PHRF1: variants seen among roughly 807,000 people sequenced by gnomAD.
PHRF1 encodes the protein PHD and RING finger domain-containing protein 1.
Under a neutral mutation model 128.9 loss-of-function variants are expected in PHRF1, and 53 were observed. The observed-to-expected ratio is 0.41, with a 90% CI of 0.33 to 0.52. PHRF1 has a LOEUF of 0.52. Among genes scored for constraint, PHRF1 ranks in the 20% least tolerant of loss-of-function variants. PHRF1 has a pLI of 0.21. For synonymous variants in PHRF1, 1,178 were observed against 980.6 expected (o/e 1.20, Z -3.76); for missense variants, 2,503 against 2,284.5 (o/e 1.10, Z -1.95).
chr11:605,140 C>G lies in PHRF1; in HGVS notation c.1174C>G (p.Arg392Gly). The change falls in exon 11 of 18, where the codon CGA (arginine) becomes GGA (glycine). Residue 392 changes from arginine (R) to glycine (G), a missense_variant. Arg to Gly is a moderately radical substitution (Grantham distance 125). Coordinates refer to ENST00000264555, the MANE Select transcript of PHRF1 (RefSeq NM_001286581.2). ...TCAGAGTGAAGCCACCACTCGCTCT[C>G]GAATCGCGCGGACGCTGGGCCTGCG... ...KVKSEATTRS[R>G]IARTLGLRRP... 1 of 1,611,652 alleles carries G rather than the reference C, an allele frequency of 6.2e-7. No homozygotes were observed. The highest frequency in any genetic ancestry group is 8.5e-7 in the Non-Finnish European group (1 of 1,178,276).
At position 608,537 on chromosome 11, in the gene PHRF1, C is replaced by CA; in HGVS notation, c.3082dup (p.Arg1028LysfsTer12). 1 of 1,612,292 alleles carries CA rather than the reference C, an allele frequency of 6.2e-7. No individual in the cohort carries two copies. The highest frequency in any genetic ancestry group is 8.5e-7 in the Non-Finnish European group (1 of 1,179,792). On this transcript the variant is annotated frameshift_variant, in exon 14 of 18. Coordinates refer to ENST00000264555, the MANE Select transcript of PHRF1 (RefSeq NM_001286581.2). LOFTEE classifies it high-confidence loss of function. ...CTGGGACGCGCTCTGAATCCAGGGACAGGAGCTCGAGGTCAGCGTCACCAT... is the reference window on the plus strand; with the variant it reads ...CTGGGACGCGCTCTGAATCCAGGGACAAGGAGCTCGAGGTCAGCGTCACCAT...
chr11:594,532 C>T (rs1026048819), intron 6 of PHRF1, among the ~76,000 whole-genome samples: 6 of 152,004 alleles, frequency 3.9e-5, no homozygotes, highest in Admixed American at 2.0e-4. Context: ...ACCTCTGCAG[C>T]GAGTCACTGC....
rs200569537 is a variant in PHRF1 at position 609,248 on chromosome 11, C to A, written c.3792C>A (p.Ser1264=). 8.1e-6 allele frequency: 13 copies of A among 1,611,456 alleles called. No homozygotes were observed. Among genetic ancestry groups the A allele is most frequent in the Non-Finnish European group, 1.1e-5 (13 of 1,179,894 alleles). The stretch of plus-strand genomic sequence containing the variant: ...ACCTGGACCTGGATTATGGCGACTC[C>A]GTGGAGGCCGGACACGTCTTTGATG... ...PDDLDLDYGD[S]VEAGHVFDDF... is the part of the protein sequence containing the mutation. Residue 1264 remains serine (S), a synonymous_variant, in exon 14 of 18, where the codon TCC becomes TCA. Transcript: ENST00000264555.
chr11:605,233 A>C lies in PHRF1; in HGVS notation c.1267A>C (p.Arg423=), dbSNP rs1286629035. The change falls in exon 11 of 18, where the codon AGA becomes CGA. Residue 423 remains arginine, a synonymous_variant. Coordinates refer to ENST00000264555, the MANE Select transcript of PHRF1 (RefSeq NM_001286581.2). ...AGTGGAGCCCTCTTTGGGGCTGCTG[A>C]GAGCGGATATTGGAGCTGCCTCTCT... ...KPVEPSLGLL[R]ADIGAASLSL... 13 of 1,613,376 alleles carry C rather than the reference A, an allele frequency of 8.1e-6. No individual in the cohort carries two copies. The highest frequency in any genetic ancestry group is 2.7e-5 in the African/African-American group (2 of 74,922).
chr11:600,057 CA>C (rs560886393), intron 9 of PHRF1, among the ~76,000 whole-genome samples: 34 of 151,912 alleles, frequency 2.2e-4, no homozygotes, highest in African/African-American at 8.2e-4. Context: ...GCAGTGAGCT[CA>C]TTTGTGTTAA....
chr11:607,911 A>G lies in PHRF1; in HGVS notation c.2455A>G (p.Ile819Val). ...RKENPSPLFSIKKTKQLRSEV... is the reference protein window; with the variant it reads ...RKENPSPLFSVKKTKQLRSEV... Reference sequence around the variant, plus strand: ...GGAGAACCCCTCACCCCTCTTCTCCATCAAGAAGACGAAGCAGCTGCGGAG... The same window carrying G: ...GGAGAACCCCTCACCCCTCTTCTCCGTCAAGAAGACGAAGCAGCTGCGGAG... The change falls in exon 14 of 18, where the codon ATC becomes GTC. Residue 819 changes from isoleucine (I) to valine (V), a missense_variant. By Grantham distance (29) the Ile-to-Val change is conservative. Coordinates refer to ENST00000264555, the MANE Select transcript of PHRF1 (RefSeq NM_001286581.2). 1.2e-6 allele frequency: 2 copies of G among 1,612,614 alleles called. No individual in the cohort carries two copies. Among genetic ancestry groups the G allele is most frequent in the South Asian group, 1.1e-5 (1 of 91,082 alleles).
chr11:605,556 T>G (rs1223955265), intron 11 of PHRF1, 49 bp from the exon 12 acceptor site: 1 of 1,599,422 alleles, frequency 6.3e-7, no homozygotes, highest in African/African-American at 1.3e-5. Context: ...CTGGGGTTTC[T>G]GGGAGCTGGG....
Position 607,211 on chromosome 11 carries a change from T to G in PHRF1, c.1755T>G (p.Cys585Trp). 1 of 1,612,316 alleles carries G rather than the reference T, an allele frequency of 6.2e-7. No homozygotes were observed. The highest frequency in any genetic ancestry group is 8.5e-7 in the Non-Finnish European group (1 of 1,179,712). Reference sequence around the variant, plus strand: ...GGCCACAGAGCACAGGGCTCAGCTGTCAAGGCAGGTCCCGCACCCCCGCCC... The same window carrying G: ...GGCCACAGAGCACAGGGCTCAGCTGGCAAGGCAGGTCCCGCACCCCCGCCC... ...GNRPQSTGLSCQGRSRTPART... is the reference protein window; with the variant it reads ...GNRPQSTGLSWQGRSRTPART... The change falls in exon 14 of 18, where the codon TGT becomes TGG. Residue 585 changes from cysteine to tryptophan, a missense_variant. Cys to Trp is a radical substitution (Grantham distance 215, BLOSUM62 -2). Transcript: ENST00000264555.
At chr11:592,522 G>T (rs780167476) in intron 5 of PHRF1, 37 bp from the exon 6 acceptor site, 1 of 1,587,402 alleles carries the variant, frequency 6.3e-7, no homozygotes, top group East Asian at 2.2e-5. Flanking sequence ...CGGGGAGTTT[G>T]GGTCCTGTGT....
At chr11:592,170 C>T (rs1446338809) in intron 5 of PHRF1, among the ~76,000 whole-genome samples, 2 of 152,006 alleles carry the variant, frequency 1.3e-5, no homozygotes, top group Non-Finnish European at 1.5e-5. Context: ...CCACCTCGGC[C>T]TCCCAAAGTG....
chr11:595,563 A>G (rs1855228803), intron 6 of PHRF1, among the ~76,000 whole-genome samples: 2 of 152,252 alleles, frequency 1.3e-5, no homozygotes, highest in East Asian at 1.9e-4. Flanking sequence ...GTAGCTGGGC[A>G]GGTCTCGGCA....
At chr11:595,328 C>G (rs1036776003) in intron 6 of PHRF1, among the ~76,000 whole-genome samples, 1 of 152,216 alleles carries the variant, frequency 6.6e-6, no homozygotes, top group African/African-American at 2.4e-5. Flanking sequence ...AAAACACTAT[C>G]TGTAGATACA....
In PHRF1 at chr11:608,851, T is replaced by C; in HGVS notation, c.3395T>C (p.Leu1132Pro). ...TCCCCCACCAGCAGCCTGGAGAGGCTCTGCAGGCACAAGCATCAGCGGGAA... is the reference window on the plus strand; with the variant it reads ...TCCCCCACCAGCAGCCTGGAGAGGCCCTGCAGGCACAAGCATCAGCGGGAA... ...ECSPTSSLER[L>P]CRHKHQRERS... is the part of the protein sequence containing the mutation. Residue 1132 changes from leucine (L) to proline (P), a missense_variant, in exon 14 of 18, where the codon CTC (leucine) becomes CCC (proline). Leu to Pro is a moderately conservative substitution (Grantham distance 98). Coordinates refer to ENST00000264555, the MANE Select transcript of PHRF1 (RefSeq NM_001286581.2). 1 of 1,612,032 alleles carries C rather than the reference T, an allele frequency of 6.2e-7. No homozygotes were observed. Among genetic ancestry groups the C allele is most frequent in the Non-Finnish European group, 8.5e-7 (1 of 1,179,752 alleles).
rs1856206854 is a variant in PHRF1, at chr11:609,440, TGAA to T, written c.3987_3989del (p.Glu1329del). 7 of 1,607,446 alleles carry T rather than the reference TGAA, an allele frequency of 4.4e-6. No individual in the cohort carries two copies. Among genetic ancestry groups the T allele is most frequent in the East Asian group, 2.2e-5 (1 of 44,862 alleles). ...AGAGGGAGGTGTCATTGATGCACGA[TGAA>T]GACCCTTCGCAGCCCCCACCCCTGC... On this transcript the variant is annotated inframe_deletion, in exon 14 of 18. Coordinates refer to ENST00000264555, the MANE Select transcript of PHRF1 (RefSeq NM_001286581.2).
chr11:610,058 C>T (rs1856268088), intron 14 of PHRF1, 138 bp from the exon 15 acceptor site: 1 of 1,180,034 alleles, frequency 8.5e-7, no homozygotes, highest in Non-Finnish European at 1.2e-6. Flanking sequence ...GCAACCTCCC[C>T]TTGGTGCTGG....
chr11:611,693 G>C lies in PHRF1; in HGVS notation c.4866G>C (p.Ala1622=). Reference sequence around the variant, plus strand: ...TGAAGGTGGCCAACCTGGTGAAGGCGTACGTGGACAAGTACAGGCACATGC... The same window carrying C: ...TGAAGGTGGCCAACCTGGTGAAGGCCTACGTGGACAAGTACAGGCACATGC... ...NPVKVANLVK[A]YVDKYRHMRR... is the part of the protein sequence containing the mutation. Residue 1622 remains alanine (A), a synonymous_variant, in exon 18 of 18, where the codon GCG becomes GCC. Coordinates refer to ENST00000264555, the MANE Select transcript of PHRF1 (RefSeq NM_001286581.2). 1.2e-6 allele frequency: 2 copies of C among 1,613,164 alleles called. No homozygotes were observed. Among genetic ancestry groups the C allele is most frequent in the Non-Finnish European group, 1.7e-6 (2 of 1,179,852 alleles).
Position 605,195 on chromosome 11 carries a change from C to T in PHRF1, c.1229C>T (p.Ser410Leu). Residue 410 changes from serine (S) to leucine (L), a missense_variant, in exon 11 of 18, where the codon TCA becomes TTA. Coordinates refer to ENST00000264555, the MANE Select transcript of PHRF1 (RefSeq NM_001286581.2). ...RRPVHSSCIP[S>L]VLKPVEPSLG... is the part of the protein sequence containing the mutation. ...CCTGTTCACAGCAGCTGCATCCCGT[C>T]AGTGTTGAAGCCAGTGGAGCCCTCT... is the stretch of plus-strand genomic sequence containing the variant. 1 of 1,613,566 alleles carries T rather than the reference C, an allele frequency of 6.2e-7. No homozygotes were observed. Among genetic ancestry groups the T allele is most frequent in the Non-Finnish European group, 8.5e-7 (1 of 1,179,876 alleles).
In PHRF1 at chr11:597,540, G is replaced by T; in HGVS notation, c.864G>T (p.Arg288=). The T allele has an allele frequency of 6.2e-7, 1 of 1,611,876 alleles. No individual in the cohort carries two copies. The highest frequency in any genetic ancestry group is 8.5e-7 in the Non-Finnish European group (1 of 1,179,362). The part of the protein sequence containing the change: ...QSERVRATVN[R]NRISTARRVQ... ...AGAGAGTGAGAGCAACCGTGAACCG[G>T]AACCGGATCTCCACGGCCAGGAGGG... is the stretch of plus-strand genomic sequence containing the variant. The change falls in exon 8 of 18, where the codon CGG becomes CGT. Residue 288 remains arginine, a synonymous_variant. Coordinates refer to ENST00000264555, the MANE Select transcript of PHRF1 (RefSeq NM_001286581.2). The surrounding 1 kb of genome is among the most constrained non-coding windows in gnomAD (Gnocchi z 6.5).
chr11:584,033 G>A (rs900793401), intron 3 of PHRF1, among the ~76,000 whole-genome samples: 1 of 152,256 alleles, frequency 6.6e-6, no homozygotes, highest in Non-Finnish European at 1.5e-5. Context: ...GGGTTAGAAT[G>A]TTCCAGAAAG....
Sources: gnomAD v4.1 joint callset for allele counts (sites outside exome capture counted in the v4.1 genomes callset) on GRCh38, gnomAD v4.1.1 for gene constraint, Gnocchi (gnomAD v3.1) non-coding constraint, MANE v1.5 for transcripts, NCBI Gene and HGNC (gene_info 2026-07-23, HGNC 2026-07-21) for gene names.